Variants in UGGT2 observed in about 807,000 individuals in gnomAD.
The protein encoded by UGGT2 is UDP-glucose:glycoprotein glucosyltransferase 2.
UGGT2 carries 180 observed loss-of-function variants against 192.1 expected under a neutral mutation model. The ratio of observed to expected loss-of-function variants is 0.94; its 90% CI spans 0.83 to 1.06. The LOEUF (loss-of-function observed/expected upper bound fraction) is 1.06, where lower values mean the gene tolerates loss of function less well. Ranked by LOEUF, UGGT2 falls within the 50% of genes least tolerant of loss-of-function variation. UGGT2 has a pLI of 0.00. For missense variants in UGGT2, 1,849 were observed against 1,795.7 expected (o/e 1.03, Z -0.54); for synonymous variants, 580 against 591.0 (o/e 0.98, Z 0.27).
rs2047691088 is a variant in UGGT2, at chr13:95,887,946, T to G, written c.2984A>C (p.Lys995Thr). 1.2e-6 allele frequency: 2 copies of G among 1,603,896 alleles called. No individual in the cohort carries two copies. Among genetic ancestry groups the G allele is most frequent in the South Asian group, 2.3e-5 (2 of 88,516 alleles). ...LVVLGKIINM[K>T]IKLFMNCRGR... ...CCTACAGTTCATGAACAACTTTATC[T>G]TCATGTTGATAATCTTGCCAAGTAC... Residue 995 changes from lysine to threonine, a missense_variant, in exon 26 of 39, where the codon AAG becomes ACG. Transcript: ENST00000376747.
intron 38 of UGGT2, among the ~76,000 whole-genome samples, chr13:95,815,736 C>T (rs998706490): frequency 5.3e-5 from 8 of 152,224 alleles, no homozygotes; most frequent in African/African-American, 1.9e-4. Flanking sequence ...CTTGAATAGG[C>T]ACTTTGCAAA....
At chr13:95,848,828 T>C (rs1888734457) in intron 36 of UGGT2, among the ~76,000 whole-genome samples, 2 of 152,344 alleles carry the variant, frequency 1.3e-5, no homozygotes, top group Admixed American at 6.5e-5. Context: ...AGGACTTTGA[T>C]TGGAATTGTG....
At chr13:95,997,493 A>G (rs1324084207) in intron 6 of UGGT2, among the ~76,000 whole-genome samples, 2 of 152,012 alleles carry the variant, frequency 1.3e-5, no homozygotes, top group East Asian at 3.9e-4. Context: ...AAATACAAAA[A>G]TTAGCCAGGT....
chr13:95,986,279 C>G, intron 9 of UGGT2, 54 bp downstream of exon 9: 1 of 1,243,698 alleles, frequency 8.0e-7, no homozygotes, highest in South Asian at 1.3e-5. Flanking sequence ...TTTCATAAAA[C>G]TCATTTAATA....
intron 1 of UGGT2, among the ~76,000 whole-genome samples, chr13:96,038,682 T>C (rs1199208224): frequency 6.6e-6 from 1 of 152,138 alleles, no homozygotes; most frequent in Non-Finnish European, 1.5e-5. Context: ...GCAGAGTTAA[T>C]GCAAAAGATT....
At chr13:95,922,972 A>G (rs1189784216) in intron 20 of UGGT2, among the ~76,000 whole-genome samples, 1 of 152,236 alleles carries the variant, frequency 6.6e-6, no homozygotes. Flanking sequence ...AACTATGAAA[A>G]TTAACAGCCA....
At chr13:95,876,827 A>G (rs1317337038) in intron 29 of UGGT2, 1 of 149,222 alleles carries the variant, frequency 6.7e-6, no homozygotes, top group Non-Finnish European at 1.5e-5. Flanking sequence ...GAGCACCGGA[A>G]TGTCCTGTTT....
chr13:95,949,941 C>T (rs2050003730), intron 12 of UGGT2, among the ~76,000 whole-genome samples: 1 of 152,100 alleles, frequency 6.6e-6, no homozygotes, highest in Non-Finnish European at 1.5e-5. Context: ...TGTTTAGAGG[C>T]ATGTGGTCGG....
At chr13:95,974,070 A>G in intron 10 of UGGT2, among the ~76,000 whole-genome samples, 1 of 152,192 alleles carries the variant, frequency 6.6e-6, no homozygotes, top group Non-Finnish European at 1.5e-5. Flanking sequence ...GATTCAGAGA[A>G]AGCTTGACAA....
Position 95,925,789 on chromosome 13 carries a change from C to G in UGGT2, c.2201-15G>C. The G allele has an allele frequency of 6.7e-7, 1 of 1,496,386 alleles. No individual in the cohort carries two copies. Among genetic ancestry groups the G allele is most frequent in the Non-Finnish European group, 9.0e-7 (1 of 1,113,148 alleles). The allele number at this position is 1,496,386 out of a possible 1,614,324, so 92.7% of individuals were successfully genotyped here. On this transcript the variant is annotated splice_polypyrimidine_tract_variant and intron_variant, in intron 19 of 38. Transcript: ENST00000376747. ...TATACTCTCATCTGAAAGTTTCAAA[C>G]AGTTTACTCAAATTAACTTTTTTTT...
chr13:95,948,889 G>A (rs936371657), intron 13 of UGGT2, among the ~76,000 whole-genome samples: 2 of 152,182 alleles, frequency 1.3e-5, no homozygotes, highest in African/African-American at 2.4e-5. Flanking sequence ...CCAGTAGGAG[G>A]TAATTAAATC....
intron 36 of UGGT2, among the ~76,000 whole-genome samples, chr13:95,848,155 T>C (rs1461247872): frequency 6.6e-6 from 1 of 152,228 alleles, no homozygotes; most frequent in East Asian, 1.9e-4. Flanking sequence ...TTTGGTTTGT[T>C]TTCTGATTGT....
At chr13:96,006,767 G>A (rs1438400975) in intron 5 of UGGT2, among the ~76,000 whole-genome samples, 1 of 151,940 alleles carries the variant, frequency 6.6e-6, no homozygotes, top group Non-Finnish European at 1.5e-5. Context: ...AAACTGAGCA[G>A]AACACTCAGG....
chr13:95,971,442 T>C (rs1016178282), intron 11 of UGGT2, among the ~76,000 whole-genome samples: 2 of 152,184 alleles, frequency 1.3e-5, no homozygotes, highest in Non-Finnish European at 2.9e-5. Context: ...GGAATAACAA[T>C]GTAGCACACA....
chr13:96,036,015 A>G (rs1046177438), intron 1 of UGGT2, among the ~76,000 whole-genome samples: 83 of 152,356 alleles, frequency 5.4e-4, no homozygotes, highest in African/African-American at 2.0e-3. Flanking sequence ...TCAAAGATCT[A>G]GAGGCAGAAA....
At position 95,887,993 on chromosome 13, in the gene UGGT2, G is replaced by A. The variant is rs774596690; in HGVS notation, c.2959-22C>T. 27 of 1,495,416 alleles carry A rather than the reference G, an allele frequency of 1.8e-5. No homozygotes were observed. The Admixed American group carries it at 4.8e-4, about 27-fold the overall frequency. 92.6% of individuals were successfully genotyped at this position (1,495,416 alleles called of 1,614,324 possible). The stretch of plus-strand genomic sequence containing the variant: ...GTACCTATTGGAAAGAAATTCCCAT[G>A]TTTGATATTAAATAATATTAATAGC... On this transcript the variant is annotated intron_variant, in intron 25 of 38. Transcript: ENST00000376747.
At position 95,947,453 on chromosome 13, in the gene UGGT2, TA is replaced by T. The variant is rs1566741221; in HGVS notation, c.1542-282del. On this transcript the variant is annotated intron_variant, in intron 14 of 38. Transcript: ENST00000376747. The stretch of plus-strand genomic sequence containing the variant: ...ACAAAAAGGGTAAATATACTCTTTT[TA>T]TTTTTATTTTTTTTGAGACAAGAGT... Among the ~76,000 whole-genome samples the T allele has an allele frequency of 5.2e-5, 6 of 115,166 alleles. No homozygotes were observed. In the East Asian group the frequency reaches 8.5e-4, roughly 16 times the overall value. The allele number at this position is 115,166 out of a possible 152,430, so 75.6% of individuals were successfully genotyped here. A position where few individuals can be genotyped will look rare whatever the true frequency, so the allele number is the denominator to read the frequency against.
intron 38 of UGGT2, among the ~76,000 whole-genome samples, chr13:95,819,410 A>T (rs1885259669): frequency 6.6e-6 from 1 of 152,126 alleles, no homozygotes; most frequent in Non-Finnish European, 1.5e-5. Flanking sequence ...TGATTTAGTC[A>T]CTGCTCACCA....
At chr13:95,988,527 G>A (rs1421211601) in intron 8 of UGGT2, among the ~76,000 whole-genome samples, 1 of 152,058 alleles carries the variant, frequency 6.6e-6, no homozygotes, top group Non-Finnish European at 1.5e-5. Context: ...ACACCAGAAG[G>A]GTCCAGGGAG....
Sources: allele counts gnomAD v4.1 joint callset (sites outside exome capture counted in the v4.1 genomes callset), GRCh38; gene constraint gnomAD v4.1.1; transcripts MANE v1.5; gene names NCBI Gene and HGNC (gene_info 2026-07-23, HGNC 2026-07-21).